The following NR3C2 variants were observed in gnomAD, a reference collection of about 807,000 sequenced individuals.
NR3C2 encodes the protein mineralocorticoid receptor.
NR3C2 carries 15 observed loss-of-function variants against 86.4 expected under a neutral mutation model. The observed-to-expected ratio is 0.17, with a 90% CI of 0.12 to 0.27. NR3C2 has a LOEUF of 0.27. Ranked by LOEUF, NR3C2 falls within the 10% of genes least tolerant of loss-of-function variation. The probability of loss-of-function intolerance (pLI) is 1.00; values close to 1 mark genes in which losing one functional copy is unlikely to be tolerated. For missense variants in NR3C2, 960 were observed against 1,195.6 expected, an observed-to-expected ratio of 0.80 and a Z score of 2.91; for synonymous variants, 458 against 450.5, an observed-to-expected ratio of 1.02 and a Z score of -0.21.
intron 2 of NR3C2, among the ~76,000 whole-genome samples, chr4:148,273,524 T>C (rs1021398701): frequency 6.6e-6 from 1 of 152,176 alleles, no homozygotes; most frequent in Non-Finnish European, 1.5e-5. Context: ...CATGTTGGGT[T>C]TTTTTTCTTA....
chr4:148,215,758 A>G (rs1737498780), intron 3 of NR3C2, among the ~76,000 whole-genome samples: 1 of 148,250 alleles, frequency 6.7e-6, no homozygotes, highest in Non-Finnish European at 1.5e-5. Flanking sequence ...AATAGTAAAT[A>G]TTTTAGGCTT....
intron 2 of NR3C2, among the ~76,000 whole-genome samples, chr4:148,266,828 A>C (rs1290001434): frequency 6.6e-6 from 1 of 152,216 alleles, no homozygotes; most frequent in Non-Finnish European, 1.5e-5. Context: ...AAGTAGGGTA[A>C]AAGTGGTAAA....
At chr4:148,422,554 T>C (rs72658675) in intron 2 of NR3C2, among the ~76,000 whole-genome samples, 232 of 152,252 alleles carry the variant, frequency 1.5e-3, no homozygotes, top group African/African-American at 5.4e-3. Context: ...CTTCACCATG[T>C]GATGGAAGAA....
chr4:148,245,548 G>A (rs1413643695), intron 3 of NR3C2, among the ~76,000 whole-genome samples: 1 of 152,058 alleles, frequency 6.6e-6, no homozygotes, highest in Non-Finnish European at 1.5e-5. Context: ...GTCCATTTTG[G>A]TGCGAGACTT....
chr4:148,191,378 T>C (rs770650298), intron 4 of NR3C2, among the ~76,000 whole-genome samples: 5 of 152,238 alleles, frequency 3.3e-5, no homozygotes, highest in Non-Finnish European at 7.3e-5. Flanking sequence ...TTTTCCTTTA[T>C]AGGTTACCTG....
chr4:148,441,647 C>A (rs1315874750), intron 1 of NR3C2, among the ~76,000 whole-genome samples: 1 of 152,152 alleles, frequency 6.6e-6, no homozygotes, highest in Non-Finnish European at 1.5e-5. Flanking sequence ...CCAACTGATG[C>A]CATAGGAAGC....
chr4:148,299,143 C>CA (rs1255323480), intron 2 of NR3C2, among the ~76,000 whole-genome samples: 1 of 152,162 alleles, frequency 6.6e-6, no homozygotes, highest in South Asian at 2.1e-4. Flanking sequence ...CTGGTCTCCT[C>CA]ACCTTTCAAT....
At chr4:148,244,270 T>C (rs3846319) in intron 3 of NR3C2, among the ~76,000 whole-genome samples, 59,662 of 152,114 alleles carry the variant, frequency 0.39, 11,877 homozygotes, top group Admixed American at 0.49. Flanking sequence ...GAGAAGGGTG[T>C]CCATCCCAGG....
intron 2 of NR3C2, among the ~76,000 whole-genome samples, chr4:148,342,290 C>CAG (rs1373598730): frequency 6.6e-6 from 1 of 152,088 alleles, no homozygotes; most frequent in Non-Finnish European, 1.5e-5. Context: ...CACACACACA[C>CAG]AGAATCACGG....
rs892332230 is a variant in NR3C2, at chr4:148,389,382, T to C, written c.1757+45722A>G. On this transcript the variant is annotated intron_variant, in intron 2 of 8. Transcript: ENST00000358102. Reference sequence around the variant, plus strand: ...GGGTAAAAGGTGTTCAGCTCAGGATTCACCAGGTAAGAGTTTCAAAGGTAA... The same window carrying C: ...GGGTAAAAGGTGTTCAGCTCAGGATCCACCAGGTAAGAGTTTCAAAGGTAA... 4.6e-5 allele frequency among the ~76,000 whole-genome samples: 7 copies of C among 152,332 alleles called. No individual in the cohort carries two copies. In the East Asian group the frequency reaches 9.6e-4, roughly 21 times the overall value.
chr4:148,085,098 G>A (rs1474111053), intron 8 of NR3C2, among the ~76,000 whole-genome samples: 1 of 152,102 alleles, frequency 6.6e-6, no homozygotes, highest in Non-Finnish European at 1.5e-5. Context: ...CAATGAGACA[G>A]AAAATTAACA....
At chr4:148,247,162 T>C (rs763222473) in intron 3 of NR3C2, among the ~76,000 whole-genome samples, 1 of 152,212 alleles carries the variant, frequency 6.6e-6, no homozygotes, top group Non-Finnish European at 1.5e-5. Context: ...TTCATGTTAC[T>C]TTTCGATGTG....
intron 6 of NR3C2, among the ~76,000 whole-genome samples, chr4:148,143,816 A>G (rs57096096): frequency 0.064 from 9,678 of 152,034 alleles, 1,026 homozygotes; most frequent in African/African-American, 0.22. Context: ...GTGTGGTGGC[A>G]CATGCCTGTA....
At chr4:148,400,855 A>T (rs1748126598) in intron 2 of NR3C2, among the ~76,000 whole-genome samples, 2 of 152,020 alleles carry the variant, frequency 1.3e-5, no homozygotes, top group South Asian at 4.1e-4. Flanking sequence ...TTTAGCAATT[A>T]ACACAGAATT....
At chr4:148,137,587 C>T (rs1442032839) in intron 6 of NR3C2, among the ~76,000 whole-genome samples, 4 of 152,184 alleles carry the variant, frequency 2.6e-5, no homozygotes, top group Non-Finnish European at 5.9e-5. Flanking sequence ...AATGAGGAAA[C>T]AGATCCAGAC....
chr4:148,224,053 G>A (rs887905027), intron 3 of NR3C2, among the ~76,000 whole-genome samples: 2 of 151,796 alleles, frequency 1.3e-5, no homozygotes, highest in Admixed American at 6.6e-5. Context: ...AAGGGATTAA[G>A]TGAAAAAGGG....
intron 2 of NR3C2, among the ~76,000 whole-genome samples, chr4:148,286,310 T>C (rs777211898): frequency 6.6e-6 from 1 of 152,080 alleles, no homozygotes; most frequent in Non-Finnish European, 1.5e-5. Context: ...CTGTCTTTTG[T>C]AGGACTTTAT....
At chr4:148,136,730 T>C (rs1458247376) in intron 6 of NR3C2, among the ~76,000 whole-genome samples, 3 of 151,998 alleles carry the variant, frequency 2.0e-5, no homozygotes, top group Admixed American at 1.3e-4. Context: ...CACTGCAACC[T>C]CTGCCTCCAA....
At chr4:148,101,394 T>G (rs1469717828) in intron 8 of NR3C2, among the ~76,000 whole-genome samples, 2 of 152,174 alleles carry the variant, frequency 1.3e-5, no homozygotes, top group African/African-American at 2.4e-5. Flanking sequence ...ACGAAAGCTA[T>G]GATCAAGCAC....
Sources: allele counts gnomAD v4.1 joint callset (sites outside exome capture counted in the v4.1 genomes callset), GRCh38; gene constraint gnomAD v4.1.1; transcripts MANE v1.5; gene names NCBI Gene and HGNC (gene_info 2026-07-23, HGNC 2026-07-21).